The following ZNF366 variants were observed in gnomAD, a reference collection of about 807,000 sequenced individuals.
ZNF366 encodes the protein zinc finger protein 366.
ZNF366 carries 20 observed loss-of-function variants against 47.2 expected under a neutral mutation model. That is an observed-to-expected ratio of 0.42 (90% confidence interval 0.30 to 0.62). ZNF366 has a LOEUF of 0.62. ZNF366 is among the 20% of genes least tolerant of loss of function. The pLI is 0.16. For synonymous variants in ZNF366, 421 were observed against 395.1 expected (o/e 1.07, Z -0.78); for missense variants, 987 against 976.3 (o/e 1.01, Z -0.15).
chr5:72,450,846 C>T (rs1005800605), intron 3 of ZNF366, among the ~76,000 whole-genome samples: 2 of 152,158 alleles, frequency 1.3e-5, no homozygotes, highest in Admixed American at 6.5e-5. Flanking sequence ...AAGAGAGAAA[C>T]CTCTCACACA....
rs1175021296 is a variant in ZNF366 at position 72,456,562 on chromosome 5, G to T, written c.1366C>A (p.Arg456=). 5 of 1,611,746 alleles carry T rather than the reference G, an allele frequency of 3.1e-6. No homozygotes were observed. The South Asian group carries it at 4.4e-5, about 14-fold the overall frequency. ...VKEHKCGICG[R]EFTLLANMKR... is the part of the protein sequence containing the mutation. ...ATGTTGGCCAGCAGGGTGAACTCCCGCCCACAAATCCCACACTTATGCTCC... is the reference window on the plus strand; with the variant it reads ...ATGTTGGCCAGCAGGGTGAACTCCCTCCCACAAATCCCACACTTATGCTCC... Residue 456 remains arginine (R), a synonymous_variant, in exon 3 of 5, where the codon CGG becomes AGG. Transcript: ENST00000318442.
intron 3 of ZNF366, among the ~76,000 whole-genome samples, chr5:72,451,125 G>T (rs1198800036): frequency 1.3e-5 from 2 of 152,206 alleles, no homozygotes; most frequent in African/African-American, 4.8e-5. Context: ...CTCTGCCAAG[G>T]TCTGTGGAGA....
rs368802193 is a variant in ZNF366 at position 72,444,168 on chromosome 5, C to G, written c.1823G>C (p.Gly608Ala). ...GCAGTGGCTGCCCTGGGCACTCTCC[C>G]CGTCTGACTGGAACACCGGCACCTT... ...RAKVPVFQSD[G>A]ESAQGSHCHE... Residue 608 changes from glycine to alanine, a missense_variant, in exon 5 of 5, where the codon GGG becomes GCG. Physicochemically the swap from Gly to Ala is moderately conservative, Grantham distance 60. Coordinates refer to ENST00000318442, the MANE Select transcript of ZNF366 (RefSeq NM_152625.3). 6.2e-7 allele frequency: 1 copy of G among 1,613,572 alleles called. No homozygotes were observed. The highest frequency in any genetic ancestry group is 8.5e-7 in the Non-Finnish European group (1 of 1,180,044).
intron 1 of ZNF366, among the ~76,000 whole-genome samples, chr5:72,502,628 AT>A (rs1386056095): frequency 6.6e-6 from 1 of 152,218 alleles, no homozygotes; most frequent in Non-Finnish European, 1.5e-5. Flanking sequence ...CTACATCACC[AT>A]TAAATTAGGG....
At chr5:72,445,078 G>T (rs536565373) in intron 4 of ZNF366, among the ~76,000 whole-genome samples, 4 of 152,154 alleles carry the variant, frequency 2.6e-5, no homozygotes, top group Non-Finnish European at 5.9e-5. Context: ...TCATAGACAG[G>T]GTAGAGATGG....
At chr5:72,476,319 G>C (rs1430047534) in intron 1 of ZNF366, among the ~76,000 whole-genome samples, 1 of 152,146 alleles carries the variant, frequency 6.6e-6, no homozygotes, top group East Asian at 1.9e-4. Context: ...TTGGGTGGGA[G>C]TCAGGCATCG....
At chr5:72,504,046 T>C (rs1053317124) in intron 1 of ZNF366, among the ~76,000 whole-genome samples, 15 of 151,346 alleles carry the variant, frequency 9.9e-5, no homozygotes, top group Admixed American at 6.6e-4. Flanking sequence ...CACACACACA[T>C]GCACACACGC....
chr5:72,505,325 A>T (rs1744299017), intron 1 of ZNF366, among the ~76,000 whole-genome samples: 1 of 150,780 alleles, frequency 6.6e-6, no homozygotes, highest in Non-Finnish European at 1.5e-5. Context: ...CGGGTAGCTA[A>T]AATTCATTTC....
rs932304133 is a variant in ZNF366 at position 72,481,564 on chromosome 5, T to G, written c.-14-20054A>C. Among the ~76,000 whole-genome samples, 3 of 152,332 alleles carry G rather than the reference T, an allele frequency of 2.0e-5. No homozygotes were observed. In the East Asian group the frequency reaches 5.8e-4, roughly 29 times the overall value. Reference sequence around the variant, plus strand: ...TAGAAATAGAATTACAAAGTGAAAGTATATTAATTTTCAGGTCTTAATACA... The same window carrying G: ...TAGAAATAGAATTACAAAGTGAAAGGATATTAATTTTCAGGTCTTAATACA... On this transcript the variant is annotated intron_variant, in intron 1 of 4. Transcript: ENST00000318442.
intron 1 of ZNF366, chr5:72,494,260 C>T (rs1488103758): frequency 6.6e-6 from 1 of 152,146 alleles, no homozygotes; most frequent in African/African-American, 2.4e-5. Context: ...TCAGCCGAAT[C>T]CTTTACTCTG....
At chr5:72,461,636 C>T (rs1743315924) in intron 1 of ZNF366, 126 bp from the exon 2 acceptor site, 10 of 1,272,804 alleles carry the variant, frequency 7.9e-6, no homozygotes, top group Non-Finnish European at 1.1e-5. Context: ...TATGGACCCT[C>T]ATTTATCCTA....
In ZNF366 at chr5:72,472,699, G is replaced by A. The variant is rs369896056; in HGVS notation, c.-14-11189C>T. 2.5e-4 allele frequency: 129 copies of A among 514,870 alleles called. No homozygotes were observed. In the South Asian group the frequency reaches 9.0e-3, roughly 36 times the overall value. 31.9% of individuals were successfully genotyped at this position (514,870 alleles called of 1,614,324 possible). ...TCCAGTTTCTCCATTCCAGCCCTCC[G>A]AGTTTCTCCCTGGCTTCTTCCCCAG... On this transcript the variant is annotated intron_variant, in intron 1 of 4. Coordinates refer to ENST00000318442, the MANE Select transcript of ZNF366 (RefSeq NM_152625.3).
chr5:72,449,661 A>G (rs1743026529), intron 3 of ZNF366, among the ~76,000 whole-genome samples: 1 of 152,246 alleles, frequency 6.6e-6, no homozygotes, highest in Non-Finnish European at 1.5e-5. Context: ...AGCTGCTGTT[A>G]CAATTGCTGA....
chr5:72,464,143 A>G (rs1743387138), intron 1 of ZNF366, among the ~76,000 whole-genome samples: 1 of 152,130 alleles, frequency 6.6e-6, no homozygotes, highest in Non-Finnish European at 1.5e-5. Context: ...CATGCTAGAG[A>G]GCTTGGGTTG....
chr5:72,453,140 T>C (rs982614621), intron 3 of ZNF366, among the ~76,000 whole-genome samples: 1 of 152,208 alleles, frequency 6.6e-6, no homozygotes, highest in Non-Finnish European at 1.5e-5. Flanking sequence ...GACAGCTGTT[T>C]CCACTGAGCA....
intron 1 of ZNF366, among the ~76,000 whole-genome samples, chr5:72,462,547 C>CTTTCTT (rs11275151): frequency 5.1e-5 from 4 of 78,926 alleles, no homozygotes; most frequent in South Asian, 1.1e-3. Flanking sequence ...TTCTTTCTTT[C>CTTTCTT]TTTTTTTTTT....
chr5:72,445,032 C>G (rs1742931634), intron 4 of ZNF366, among the ~76,000 whole-genome samples: 1 of 152,150 alleles, frequency 6.6e-6, no homozygotes, highest in Non-Finnish European at 1.5e-5. Context: ...GCAGCAGACA[C>G]CACCCCTGAC....
intron 3 of ZNF366, among the ~76,000 whole-genome samples, chr5:72,450,990 T>C (rs56923487): frequency 0.041 from 6,192 of 152,220 alleles, 394 homozygotes; most frequent in African/African-American, 0.13. Context: ...GGAGGAGGAA[T>C]GGATAGGAAG....
intron 3 of ZNF366, among the ~76,000 whole-genome samples, chr5:72,452,064 C>T (rs570000288): frequency 1.6e-3 from 237 of 152,334 alleles, no homozygotes; most frequent in Non-Finnish European, 2.3e-3. Flanking sequence ...CACACCGCCT[C>T]GCCCCAGCCA....
Sources: gnomAD v4.1 joint callset for allele counts (sites outside exome capture counted in the v4.1 genomes callset) on GRCh38, gnomAD v4.1.1 for gene constraint, MANE v1.5 for transcripts, NCBI Gene and HGNC (gene_info 2026-07-23, HGNC 2026-07-21) for gene names.